TBXAS1: variants seen among roughly 807,000 people sequenced by gnomAD.
TBXAS1 encodes the protein thromboxane-A synthase.
TBXAS1 carries 48 observed loss-of-function variants against 60.7 expected under a neutral mutation model. The ratio of observed to expected loss-of-function variants is 0.79; its 90% CI spans 0.63 to 1.01. The LOEUF is 1.01. TBXAS1 is among the 50% of genes least tolerant of loss of function. The pLI, the probability that TBXAS1 is intolerant of heterozygous loss-of-function variation, is 0.00. For missense variants in TBXAS1, 685 were observed against 686.3 expected (o/e 1.00, Z 0.02); for synonymous variants, 287 against 269.7 (o/e 1.06, Z -0.63).
chr7:139,805,522 G>C (rs977046317), intron 4 of TBXAS1, among the ~76,000 whole-genome samples: 2 of 152,106 alleles, frequency 1.3e-5, no homozygotes, highest in African/African-American at 4.8e-5. Flanking sequence ...TCTTTGAAGT[G>C]AGTTGAATTG....
chr7:139,809,240 TA>T (rs764141621), intron 4 of TBXAS1, among the ~76,000 whole-genome samples: 6,829 of 54,326 alleles, frequency 0.13, 202 homozygotes, highest in South Asian at 0.18. Context: ...AGATGATAGA[TA>T]GATAGATAGA....
chr7:139,898,452 G>C (rs1294993435), intron 3 of TBXAS1, among the ~76,000 whole-genome samples: 2 of 100,762 alleles, frequency 2.0e-5, no homozygotes, highest in Admixed American at 3.1e-4. Flanking sequence ...TTTTGAGACA[G>C]AGTCTTGCTC....
chr7:139,906,098 C>T (rs1569511630), intron 3 of TBXAS1: 2 of 406,410 alleles, frequency 4.9e-6, no homozygotes, highest in Non-Finnish European at 9.6e-6. Context: ...CTCTGTCTCC[C>T]AGTCTGTAGT....
intron 3 of TBXAS1, among the ~76,000 whole-genome samples, chr7:139,880,040 C>T (rs138743010): frequency 2.6e-5 from 4 of 152,086 alleles, no homozygotes; most frequent in South Asian, 2.1e-4. Context: ...TGTGCCATCA[C>T]GCCCAGCAAA....
chr7:139,908,350 T>C (rs771420385), intron 3 of TBXAS1, among the ~76,000 whole-genome samples: 4 of 152,146 alleles, frequency 2.6e-5, no homozygotes, highest in Non-Finnish European at 4.4e-5. Context: ...TATTGTTATC[T>C]AGTCATTACA....
intron 8 of TBXAS1, among the ~76,000 whole-genome samples, chr7:139,959,328 C>T (rs1178083278): frequency 2.0e-5 from 3 of 152,154 alleles, no homozygotes; most frequent in East Asian, 1.9e-4. Flanking sequence ...TGTGTGTTTG[C>T]GCAGTGAAAA....
chr7:139,879,612 T>C (rs1424957829), intron 3 of TBXAS1, among the ~76,000 whole-genome samples: 2 of 152,170 alleles, frequency 1.3e-5, no homozygotes, highest in Non-Finnish European at 2.9e-5. Context: ...TATACCAATA[T>C]TGAATATAAA....
chr7:139,948,596 A>G (rs78169113), intron 5 of TBXAS1, among the ~76,000 whole-genome samples: 3,183 of 152,312 alleles, frequency 0.021, 118 homozygotes, highest in African/African-American at 0.073. Flanking sequence ...TTGGAATAAA[A>G]CAAAAAATAA....
chr7:139,873,644 A>T (rs1187525827), intron 2 of TBXAS1, among the ~76,000 whole-genome samples: 1 of 152,154 alleles, frequency 6.6e-6, no homozygotes, highest in Non-Finnish European at 1.5e-5. Context: ...CAGGGAGAAG[A>T]CAAGTTTTAT....
At chr7:139,814,667 A>C (rs1798104539) in intron 4 of TBXAS1, among the ~76,000 whole-genome samples, 1 of 152,178 alleles carries the variant, frequency 6.6e-6, no homozygotes, top group South Asian at 2.1e-4. Context: ...AAGACAAAGC[A>C]TGTCTAATGA....
chr7:140,015,051 G>A (rs1814921039), intron 10 of TBXAS1, among the ~76,000 whole-genome samples: 1 of 151,650 alleles, frequency 6.6e-6, no homozygotes, highest in South Asian at 2.1e-4. Context: ...TGTAAGTTCA[G>A]AATTATTTCC....
At chr7:140,014,699 A>G (rs1814878858) in intron 10 of TBXAS1, among the ~76,000 whole-genome samples, 1 of 151,786 alleles carries the variant, frequency 6.6e-6, no homozygotes, top group African/African-American at 2.4e-5. Flanking sequence ...ACTTGAGGTC[A>G]GGAGTTCGAG....
At chr7:140,018,945 C>G (rs1815316351) in intron 12 of TBXAS1, among the ~76,000 whole-genome samples, 1 of 152,226 alleles carries the variant, frequency 6.6e-6, no homozygotes, top group African/African-American at 2.4e-5. Context: ...TTCCTGACAT[C>G]TGGCTACGTC....
At chr7:139,784,535 G>A (rs758747845) in intron 3 of TBXAS1, among the ~76,000 whole-genome samples, 4 of 152,226 alleles carry the variant, frequency 2.6e-5, no homozygotes, top group Non-Finnish European at 4.4e-5. Context: ...GAGGTGGCAC[G>A]TCTGTGCCTG....
At chr7:139,781,750 G>T (rs1001696788) in intron 2 of TBXAS1, among the ~76,000 whole-genome samples, 3 of 143,780 alleles carry the variant, frequency 2.1e-5, no homozygotes, top group African/African-American at 8.0e-5. Flanking sequence ...TAGGATAATC[G>T]CTTGAACCCA....
intron 7 of TBXAS1, 107 bp downstream of exon 7, chr7:139,955,714 G>A: frequency 6.5e-7 from 1 of 1,528,952 alleles, no homozygotes; most frequent in Non-Finnish European, 9.0e-7. Flanking sequence ...CTGGGAAAGG[G>A]CACTCGGGTT....
intron 3 of TBXAS1, among the ~76,000 whole-genome samples, chr7:139,892,443 A>C (rs1461522332): frequency 6.6e-6 from 1 of 152,032 alleles, no homozygotes; most frequent in Admixed American, 6.6e-5. Flanking sequence ...AAATACAAAA[A>C]TTAGCCTAGT....
In TBXAS1 at chr7:139,988,263, C is replaced by T. The variant is rs534987285; in HGVS notation, c.1135-18828C>T. ...AACGGAAGCTCAGGCCACCCTGAGG[C>T]CATCACCTCTGGCAGTCACCTGCCA... is the stretch of plus-strand genomic sequence containing the variant. On this transcript the variant is annotated intron_variant, in intron 9 of 12. Coordinates refer to ENST00000448866, the MANE Select transcript of TBXAS1 (RefSeq NM_001061.7). 3.3e-5 allele frequency among the ~76,000 whole-genome samples: 5 copies of T among 152,376 alleles called. 1 individual carries two copies. Among genetic ancestry groups the T allele is most frequent in the Admixed American group, 3.3e-4 (5 of 15,308 alleles).
At chr7:140,016,986 A>C (rs566200527) in intron 11 of TBXAS1, among the ~76,000 whole-genome samples, 2 of 152,274 alleles carry the variant, frequency 1.3e-5, no homozygotes, top group Non-Finnish European at 2.9e-5. Flanking sequence ...TCGCTGTTAC[A>C]GAACAGTGAG....
Sources: allele counts gnomAD v4.1 joint callset (sites outside exome capture counted in the v4.1 genomes callset), GRCh38; gene constraint gnomAD v4.1.1; transcripts MANE v1.5; gene names NCBI Gene and HGNC (gene_info 2026-07-23, HGNC 2026-07-21).